Variants in AXL observed in about 807,000 individuals in gnomAD.
AXL encodes tyrosine-protein kinase receptor UFO.
A neutral mutation model predicts 104.5 loss-of-function variants in AXL; 52 were observed. The ratio of observed to expected loss-of-function variants is 0.50; its 90% CI spans 0.40 to 0.63. The LOEUF is 0.63. Ranked by LOEUF, AXL falls within the 20% of genes least tolerant of loss-of-function variation. The pLI is 0.00. For missense variants in AXL, 1,024 were observed against 1,188.5 expected (o/e 0.86, Z 2.04); for synonymous variants, 455 against 473.7 (o/e 0.96, Z 0.51).
In AXL at chr19:41,259,992, C is replaced by T. The variant is rs571128380; in HGVS notation, c.*88C>T. On this transcript the variant is annotated 3_prime_UTR_variant, in exon 20 of 20. Coordinates refer to ENST00000301178, the MANE Select transcript of AXL (RefSeq NM_021913.5). ...TCCACCTTCCCACTTTCCCACCCCA[C>T]GCCTTATCCCCACTTGCAGCCCTGT... 1.3e-4 allele frequency: 159 copies of T among 1,221,908 alleles called. 1 individual carries two copies. Among genetic ancestry groups the T allele is most frequent in the Middle Eastern group, 1.2e-3 (5 of 4,174 alleles). 75.7% of individuals were successfully genotyped at this position (1,221,908 alleles called of 1,614,324 possible).
At chr19:41,229,541 A>G (rs961395783) in intron 4 of AXL, among the ~76,000 whole-genome samples, 1 of 152,218 alleles carries the variant, frequency 6.6e-6, no homozygotes, top group Non-Finnish European at 1.5e-5. Context: ...CTGGGATTAC[A>G]GTCATGAGTC....
chr19:41,236,331 T>TAA (rs36010942), intron 6 of AXL, among the ~76,000 whole-genome samples: 19,856 of 101,712 alleles, frequency 0.2, 1,896 homozygotes, highest in Middle Eastern at 0.27. Flanking sequence ...AGACTCTGTC[T>TAA]AAAAAAAAAA....
At chr19:41,251,073 C>T (rs1024905114) in intron 14 of AXL, among the ~76,000 whole-genome samples, 2 of 152,236 alleles carry the variant, frequency 1.3e-5, no homozygotes, top group Admixed American at 6.5e-5. Context: ...AGATCTGCCT[C>T]TTCCACCTCC....
rs115796052 is a variant in AXL, at chr19:41,258,353, T to A, written c.2333+724T>A. Among the ~76,000 whole-genome samples, 1,145 of 152,100 alleles carry A rather than the reference T, an allele frequency of 7.5e-3. 11 individuals carry two copies. The highest frequency in any genetic ancestry group is 0.026 in the African/African-American group (1,073 of 41,516). On this transcript the variant is annotated intron_variant, in intron 19 of 19. Transcript: ENST00000301178. ...AATCATTTGGTCCTTACCACAGCCA[T>A]GTGATGTAGATAGGTATCATTATGA... is the stretch of plus-strand genomic sequence containing the variant.
intron 6 of AXL, among the ~76,000 whole-genome samples, chr19:41,235,300 G>A (rs561515941): frequency 7.9e-5 from 12 of 152,084 alleles, no homozygotes; most frequent in East Asian, 1.9e-4. Context: ...GCAGTGAGCC[G>A]AGATCATGCC....
At chr19:41,245,447 G>A (rs759242980) in intron 12 of AXL, among the ~76,000 whole-genome samples, 29 of 152,122 alleles carry the variant, frequency 1.9e-4, no homozygotes, top group Admixed American at 2.6e-4. Context: ...CTTTCGGCTG[G>A]GTGCAGTGGC....
chr19:41,230,416 AAGAG>A (rs1368426941), intron 4 of AXL, among the ~76,000 whole-genome samples: 2 of 147,450 alleles, frequency 1.4e-5, no homozygotes, highest in Non-Finnish European at 3.0e-5. Context: ...TCTGGGGTGT[AAGAG>A]TGAGTGTGCC....
At chr19:41,230,309 T>G (rs938836264) in intron 4 of AXL, among the ~76,000 whole-genome samples, 3 of 149,744 alleles carry the variant, frequency 2.0e-5, no homozygotes, top group East Asian at 2.0e-4. Flanking sequence ...TATCTCTCTC[T>G]GGGGTGTAAG....
chr19:41,247,814 G>A (rs2034295516), intron 12 of AXL, among the ~76,000 whole-genome samples: 1 of 151,876 alleles, frequency 6.6e-6, no homozygotes, highest in African/African-American at 2.4e-5. Context: ...TGAATTCCTG[G>A]ACTCAAGTGA....
At chr19:41,227,752 G>A (rs1369160956) in intron 4 of AXL, among the ~76,000 whole-genome samples, 1 of 152,082 alleles carries the variant, frequency 6.6e-6, no homozygotes, top group Non-Finnish European at 1.5e-5. Context: ...GCCTCCCAAA[G>A]TGCTGGGATT....
intron 14 of AXL, among the ~76,000 whole-genome samples, chr19:41,250,444 C>CTGTTT (rs940237852): frequency 5.3e-5 from 8 of 151,900 alleles, no homozygotes; most frequent in African/African-American, 1.4e-4. Flanking sequence ...TTGTTTTGCT[C>CTGTTT]TGTTTTGTTT....
rs778558262 is a variant in AXL, at chr19:41,238,526, G to C, written c.1051G>C (p.Val351Leu). The change falls in exon 8 of 20, where the codon GTG (valine) becomes CTG (leucine). Residue 351 changes from valine to leucine, a missense_variant. Val to Leu is a conservative substitution (Grantham distance 32, BLOSUM62 1). Coordinates refer to ENST00000301178, the MANE Select transcript of AXL (RefSeq NM_021913.5). ...SATRNGSQAFVHWQEPRAPLQ... is the reference protein window; with the variant it reads ...SATRNGSQAFLHWQEPRAPLQ... ...TACGCGGAATGGGAGCCAGGCCTTC[G>C]TGCATTGGCAAGAGCCCCGGGCGCC... 4.5e-5 allele frequency: 72 copies of C among 1,613,924 alleles called. No individual in the cohort carries two copies. In the Admixed American group the frequency reaches 1.2e-3, roughly 27 times the overall value.
chr19:41,220,986 A>C, intron 2 of AXL, 128 bp downstream of exon 2: 1 of 1,254,410 alleles, frequency 8.0e-7, no homozygotes, highest in Admixed American at 2.5e-5. Context: ...TGGAACCTCT[A>C]GGTTTCGTTT....
chr19:41,245,157 C>T (rs1165512680), intron 12 of AXL, among the ~76,000 whole-genome samples: 1 of 150,746 alleles, frequency 6.6e-6, no homozygotes, highest in Non-Finnish European at 1.5e-5. Flanking sequence ...TCTCGACCTC[C>T]TGAACCCGTG....
chr19:41,220,379 T>C, intron 1 of AXL: 1 of 462,752 alleles, frequency 2.2e-6, no homozygotes, highest in Admixed American at 3.7e-5. Context: ...TGCCAGGCAG[T>C]GCAGGGCGTG....
Position 41,219,354 on chromosome 19 carries a change from G to A in AXL, c.-39G>A, listed in dbSNP as rs199900995. 102 of 1,549,148 alleles carry A rather than the reference G, an allele frequency of 6.6e-5. No homozygotes were observed. The highest frequency in any genetic ancestry group is 7.5e-5 in the Non-Finnish European group (86 of 1,145,568). ...ACAGCCCGGCCCTGCCCCCTCCCCC[G>A]CTGGGAGCCCAACAACTTCTGAGGA... On this transcript the variant is annotated 5_prime_UTR_variant, in exon 1 of 20. Transcript: ENST00000301178.
intron 6 of AXL, among the ~76,000 whole-genome samples, chr19:41,232,712 C>T (rs2034012537): frequency 6.6e-6 from 1 of 151,884 alleles, no homozygotes; most frequent in South Asian, 2.1e-4. Flanking sequence ...TAATTCTGGT[C>T]TGAAGTTCTC....
chr19:41,240,912 A>G (rs932718540), intron 10 of AXL, among the ~76,000 whole-genome samples: 19 of 151,726 alleles, frequency 1.3e-4, no homozygotes, highest in African/African-American at 4.4e-4. Context: ...ATCCCAACCC[A>G]TCTCACTCTG....
In AXL at chr19:41,242,922, G is replaced by A; in HGVS notation, c.1352G>A (p.Trp451Ter). Residue 451 changes from tryptophan (W) to a stop codon, truncating the protein, a stop_gained, in exon 11 of 20, where the codon TGG becomes TAG. Coordinates refer to ENST00000301178, the MANE Select transcript of AXL (RefSeq NM_021913.5). LOFTEE classifies it high-confidence loss of function. ...ACTCCTGCCTTCTCGTGGCCCTGGT[G>A]GTATGTACTGCTAGGAGCAGTCGTG... ...PSTPAFSWPW[W>*]YVLLGAVVAA... 3 of 1,614,170 alleles carry A rather than the reference G, an allele frequency of 1.9e-6. No individual in the cohort carries two copies. Among genetic ancestry groups the A allele is most frequent in the Non-Finnish European group, 1.7e-6 (2 of 1,180,042 alleles).
Sources: allele counts gnomAD v4.1 joint callset (sites outside exome capture counted in the v4.1 genomes callset), GRCh38; gene constraint gnomAD v4.1.1; transcripts MANE v1.5; gene names NCBI Gene and HGNC (gene_info 2026-07-23, HGNC 2026-07-21).